ADAMTSL1: variants seen among roughly 807,000 people sequenced by gnomAD.
The protein encoded by ADAMTSL1 is ADAMTS-like protein 1.
ADAMTSL1 carries 126 observed loss-of-function variants against 201.8 expected under a neutral mutation model. The observed-to-expected ratio is 0.62, with a 90% CI of 0.54 to 0.72. The LOEUF (loss-of-function observed/expected upper bound fraction) is 0.72. Ranked by LOEUF, ADAMTSL1 falls within the 30% of genes least tolerant of loss-of-function variation. The pLI is 0.00. For synonymous variants in ADAMTSL1, 1,121 were observed against 903.4 expected (o/e 1.24, Z -4.32); for missense variants, 2,679 against 2,277.8 (o/e 1.18, Z -3.59).
chr9:18,195,565 A>ATTCTC (rs968285311), intron 2 of ADAMTSL1, among the ~76,000 whole-genome samples: 5 of 152,286 alleles, frequency 3.3e-5, no homozygotes, highest in African/African-American at 1.2e-4. Flanking sequence ...TTTAAAAATT[A>ATTCTC]TTCTCTTTGA....
At chr9:18,125,581 C>T (rs548868551) in intron 1 of ADAMTSL1, among the ~76,000 whole-genome samples, 1 of 152,102 alleles carries the variant, frequency 6.6e-6, no homozygotes, top group East Asian at 1.9e-4. Flanking sequence ...ATCTGTGATC[C>T]ATTTTGAGTT....
intron 2 of ADAMTSL1, among the ~76,000 whole-genome samples, chr9:18,463,198 T>C (rs1032191336): frequency 6.6e-6 from 1 of 152,198 alleles, no homozygotes; most frequent in Non-Finnish European, 1.5e-5. Flanking sequence ...TTGAAACTTA[T>C]GAAAAATTTA....
At chr9:18,392,779 ATCT>A (rs1386954123) in intron 2 of ADAMTSL1, among the ~76,000 whole-genome samples, 1 of 152,196 alleles carries the variant, frequency 6.6e-6, no homozygotes, top group Non-Finnish European at 1.5e-5. Context: ...AAAAATAATA[ATCT>A]TCTTAATTAT....
At chr9:18,355,510 T>C (rs1443313663) in intron 2 of ADAMTSL1, among the ~76,000 whole-genome samples, 12 of 152,188 alleles carry the variant, frequency 7.9e-5, no homozygotes, top group Non-Finnish European at 1.5e-5. Context: ...GAGAAGTTTC[T>C]AAAGCCATTT....
chr9:17,920,296 G>A (rs1415101078), intron 1 of ADAMTSL1, among the ~76,000 whole-genome samples: 3 of 152,004 alleles, frequency 2.0e-5, no homozygotes, highest in Admixed American at 6.6e-5. Flanking sequence ...CTTCTCTGTT[G>A]TCTTTAGGTC....
chr9:18,892,733 G>A (rs189789201), intron 26 of ADAMTSL1, 137 bp downstream of exon 26: 3 of 1,046,360 alleles, frequency 2.9e-6, no homozygotes, highest in African/African-American at 3.2e-5. Flanking sequence ...AGCTTTTGTG[G>A]GTTGTCCAGC....
chr9:18,009,505 A>T (rs1819966265), intron 1 of ADAMTSL1, among the ~76,000 whole-genome samples: 1 of 151,996 alleles, frequency 6.6e-6, no homozygotes, highest in African/African-American at 2.4e-5. Flanking sequence ...GCATTTAGTT[A>T]CTCTTTGCTG....
intron 1 of ADAMTSL1, among the ~76,000 whole-genome samples, chr9:18,038,790 A>G (rs1821313574): frequency 6.6e-6 from 1 of 152,210 alleles, no homozygotes; most frequent in Admixed American, 6.5e-5. Flanking sequence ...AAGAAAGTAA[A>G]GAAGATGTGC....
At chr9:18,099,830 G>C (rs930358867) in intron 1 of ADAMTSL1, among the ~76,000 whole-genome samples, 2 of 151,708 alleles carry the variant, frequency 1.3e-5, no homozygotes, top group Non-Finnish European at 2.9e-5. Context: ...GTTTCACTGT[G>C]TTACCCAGGA....
chr9:18,435,364 C>A (rs1301179385), intron 2 of ADAMTSL1, among the ~76,000 whole-genome samples: 1 of 152,292 alleles, frequency 6.6e-6, no homozygotes, highest in Middle Eastern at 3.4e-3. Context: ...CCAGACACTG[C>A]TCTGGGGATG....
Position 18,770,628 on chromosome 9 carries a change from T to G in ADAMTSL1, c.2244T>G (p.Val748=). ...QPCSRTCGGG[V]QKREVLCKQR... ...GTTCCAGAACGTGTGGCGGGGGTGT[T>G]CAGAAACGTGAGGTTCTTTGCAAGC... The change falls in exon 17 of 29, where the codon GTT becomes GTG. Residue 748 remains valine (V), a synonymous_variant. Transcript: ENST00000380548. 6.2e-7 allele frequency: 1 copy of G among 1,613,190 alleles called. No individual in the cohort carries two copies. The highest frequency in any genetic ancestry group is 2.2e-5 in the East Asian group (1 of 44,876).
chr9:18,407,329 C>T (rs1818247612), intron 2 of ADAMTSL1, among the ~76,000 whole-genome samples: 1 of 152,042 alleles, frequency 6.6e-6, no homozygotes, highest in African/African-American at 2.4e-5. Flanking sequence ...GACCCAAAAG[C>T]ATGAGGGAAC....
intron 1 of ADAMTSL1, among the ~76,000 whole-genome samples, chr9:18,146,221 T>A (rs1055392326): frequency 1.3e-5 from 2 of 152,202 alleles, no homozygotes; most frequent in African/African-American, 4.8e-5. Context: ...ATAGTTACTG[T>A]ATGATCCAGC....
intron 2 of ADAMTSL1, among the ~76,000 whole-genome samples, chr9:18,169,203 G>A (rs1323739308): frequency 1.3e-5 from 2 of 151,852 alleles, no homozygotes; most frequent in Non-Finnish European, 2.9e-5. Context: ...CCTTGCCCAT[G>A]CCTATGTCCT....
intron 23 of ADAMTSL1, among the ~76,000 whole-genome samples, chr9:18,832,950 G>C (rs1825082102): frequency 6.6e-6 from 1 of 152,170 alleles, no homozygotes; most frequent in Non-Finnish European, 1.5e-5. Flanking sequence ...AGTTTTTTAA[G>C]CCATGTGTCA....
intron 2 of ADAMTSL1, among the ~76,000 whole-genome samples, chr9:18,241,024 C>G (rs1045189136): frequency 6.6e-6 from 1 of 152,170 alleles, no homozygotes; most frequent in Non-Finnish European, 1.5e-5. Context: ...TTGATCTTCT[C>G]TCCAGACCAC....
intron 1 of ADAMTSL1, among the ~76,000 whole-genome samples, chr9:18,499,732 T>G (rs757195541): frequency 6.6e-6 from 1 of 152,216 alleles, no homozygotes; most frequent in Non-Finnish European, 1.5e-5. Context: ...ATCTTAAAAT[T>G]GTGAGTGCCA....
At chr9:17,979,049 T>C (rs533228204) in intron 1 of ADAMTSL1, among the ~76,000 whole-genome samples, 2 of 152,236 alleles carry the variant, frequency 1.3e-5, no homozygotes, top group African/African-American at 4.8e-5. Context: ...CTGATGGTCT[T>C]ATTGGTGGTG....
chr9:18,070,849 C>T (rs1020917223), intron 1 of ADAMTSL1, among the ~76,000 whole-genome samples: 2 of 152,052 alleles, frequency 1.3e-5, no homozygotes, highest in East Asian at 1.9e-4. Context: ...ATCCCCACCC[C>T]GATGATCTGA....
Sources: allele counts gnomAD v4.1 joint callset (sites outside exome capture counted in the v4.1 genomes callset), GRCh38; gene constraint gnomAD v4.1.1; transcripts MANE v1.5; gene names NCBI Gene and HGNC (gene_info 2026-07-23, HGNC 2026-07-21).